Variants in CD38 observed in about 807,000 individuals in gnomAD.
The protein encoded by CD38 is CD38 molecule.
Under a neutral mutation model 36.3 loss-of-function variants are expected in CD38, and 31 were observed. The observed-to-expected ratio is 0.85, with a 90% CI of 0.64 to 1.15. The LOEUF is 1.15. Ranked by LOEUF, CD38 falls within the 50% of genes most tolerant of loss-of-function variation. The pLI, the probability that CD38 is intolerant of heterozygous loss-of-function variation, is 0.00. For synonymous variants in CD38, 131 were observed against 135.2 expected (o/e 0.97, Z 0.22); for missense variants, 380 against 371.9 (o/e 1.02, Z -0.18).
At chr4:15,839,267 C>T (rs1309022745) in intron 5 of CD38, among the ~76,000 whole-genome samples, 3 of 152,040 alleles carry the variant, frequency 2.0e-5, no homozygotes, top group African/African-American at 7.2e-5. Context: ...CAGAGACTAA[C>T]AGGGAAGAGT....
intron 2 of CD38, among the ~76,000 whole-genome samples, chr4:15,823,498 CA>C (rs1247351811): frequency 6.6e-6 from 1 of 152,054 alleles, no homozygotes; most frequent in Non-Finnish European, 1.5e-5. Flanking sequence ...ACAGCCCCAT[CA>C]AAAAGTGGGC....
At chr4:15,779,790 G>A (rs964839694) in intron 1 of CD38, among the ~76,000 whole-genome samples, 2 of 150,312 alleles carry the variant, frequency 1.3e-5, no homozygotes, top group Non-Finnish European at 3.0e-5. Flanking sequence ...ATGTTAGAAA[G>A]CAACCTCATT....
chr4:15,830,287 A>G (rs1723932988), intron 3 of CD38, among the ~76,000 whole-genome samples: 1 of 152,150 alleles, frequency 6.6e-6, no homozygotes, highest in Non-Finnish European at 1.5e-5. Flanking sequence ...AAGCCATTTT[A>G]GCTGGGGTGA....
intron 4 of CD38, 84 bp from the exon 5 acceptor site, chr4:15,838,008 A>G (rs1577660635): frequency 9.5e-7 from 1 of 1,057,976 alleles, no homozygotes; most frequent in East Asian, 2.4e-5. Context: ...TTAACCAGCT[A>G]TTGCTAAGTA....
chr4:15,815,442 A>C (rs1577648797), intron 1 of CD38, among the ~76,000 whole-genome samples: 1 of 152,056 alleles, frequency 6.6e-6, no homozygotes, highest in East Asian at 1.9e-4. Flanking sequence ...TATTTCCTTG[A>C]GCAGTGGTTT....
In CD38 at chr4:15,848,693, A is replaced by T. The variant is rs1310709145; in HGVS notation, c.*91A>T. The T allele has an allele frequency of 9.5e-7, 1 of 1,055,844 alleles. No individual in the cohort carries two copies. Among genetic ancestry groups the T allele is most frequent in the Non-Finnish European group, 1.5e-6 (1 of 688,954 alleles). 65.4% of individuals were successfully genotyped at this position (1,055,844 alleles called of 1,614,324 possible). Reference sequence around the variant, plus strand: ...CATACCTGCTGGTGCAGAGCTGAAGATTTTGGAGGGTCCTCCACAATAAGG... The same window carrying T: ...CATACCTGCTGGTGCAGAGCTGAAGTTTTTGGAGGGTCCTCCACAATAAGG... On this transcript the variant is annotated 3_prime_UTR_variant, in exon 8 of 8. Transcript: ENST00000226279.
intron 2 of CD38, among the ~76,000 whole-genome samples, chr4:15,819,963 A>C (rs926598169): frequency 6.6e-6 from 1 of 152,190 alleles, no homozygotes; most frequent in African/African-American, 2.4e-5. Flanking sequence ...CAGGTCACCT[A>C]TAAAGGGAAG....
At chr4:15,783,661 C>T (rs1266827520) in intron 1 of CD38, among the ~76,000 whole-genome samples, 1 of 152,206 alleles carries the variant, frequency 6.6e-6, no homozygotes, top group Non-Finnish European at 1.5e-5. Flanking sequence ...TTGTGGGAGA[C>T]TTAATCAGAG....
chr4:15,794,644 C>G (rs968835254), intron 1 of CD38, among the ~76,000 whole-genome samples: 3 of 152,022 alleles, frequency 2.0e-5, no homozygotes, highest in African/African-American at 7.3e-5. Context: ...AAGAAAAAAA[C>G]AGAAGAGAGA....
At chr4:15,840,156 G>C in intron 6 of CD38, 38 bp downstream of exon 6, 1 of 1,414,476 alleles carries the variant, frequency 7.1e-7, no homozygotes, top group Non-Finnish European at 1.0e-6. Context: ...GTTATTTTAT[G>C]AATCAGTCCA....
In CD38 at chr4:15,852,796, C is replaced by T. The variant is rs138949682; in HGVS notation, c.*4194C>T. The T allele has an allele frequency of 1.4e-4, 21 of 146,264 alleles. No individual in the cohort carries two copies. In the East Asian group the frequency reaches 3.6e-3, roughly 25 times the overall value. The allele number at this position is 146,264 out of a possible 1,614,324, so 9.1% of individuals were successfully genotyped here. A position where few individuals can be genotyped will look rare whatever the true frequency, so the allele number is the denominator to read the frequency against. The stretch of plus-strand genomic sequence containing the variant: ...CAACAGGCTTTGAACTATTCCCTAA[C>T]GGGGCATTTATTCTTTTTTTTTTTT... On this transcript the variant is annotated 3_prime_UTR_variant, in exon 8 of 8. Transcript: ENST00000226279.
At chr4:15,823,287 C>G (rs777230195) in intron 2 of CD38, among the ~76,000 whole-genome samples, 15 of 152,114 alleles carry the variant, frequency 9.9e-5, no homozygotes, top group Non-Finnish European at 2.1e-4. Context: ...ATGAAATTGC[C>G]AAATGCAATT....
intron 1 of CD38, among the ~76,000 whole-genome samples, chr4:15,783,293 C>A (rs1050567772): frequency 6.6e-6 from 1 of 152,168 alleles, no homozygotes; most frequent in African/African-American, 2.4e-5. Context: ...GGAGAGCCAG[C>A]ACCTAGGGGA....
chr4:15,821,639 G>T (rs1172451636), intron 2 of CD38, among the ~76,000 whole-genome samples: 1 of 143,348 alleles, frequency 7.0e-6, no homozygotes, highest in Non-Finnish European at 1.5e-5. Flanking sequence ...AAGAAGTTGA[G>T]TTCCTGAACA....
At position 15,778,397 on chromosome 4, in the gene CD38, A is replaced by G; in HGVS notation, c.-18A>G. 6.3e-7 allele frequency: 1 copy of G among 1,592,912 alleles called. No homozygotes were observed. The highest frequency in any genetic ancestry group is 8.6e-7 in the Non-Finnish European group (1 of 1,161,594). ...CTGCCGGCCTCATCTTCGCCCAGCC[A>G]ACCCCGCCTGGAGCCCTATGGCCAA... On this transcript the variant is annotated 5_prime_UTR_variant, in exon 1 of 8. Transcript: ENST00000226279. The surrounding 1 kb of genome is among the most constrained non-coding windows in gnomAD (Gnocchi z 4.9).
chr4:15,834,171 A>T (rs751027463), intron 3 of CD38, 46 bp from the exon 4 acceptor site: 29 of 1,233,182 alleles, frequency 2.4e-5, no homozygotes, highest in Non-Finnish European at 3.6e-6. Context: ...CAGCTTATTT[A>T]TACTCTCTGT....
At chr4:15,790,473 C>T (rs1170053245) in intron 1 of CD38, among the ~76,000 whole-genome samples, 5 of 152,144 alleles carry the variant, frequency 3.3e-5, no homozygotes, top group South Asian at 4.2e-4. Context: ...CTCGTTCACT[C>T]GGTGCTCGGT....
chr4:15,817,649 G>T (rs749540136), intron 2 of CD38, among the ~76,000 whole-genome samples: 16 of 152,068 alleles, frequency 1.1e-4, no homozygotes, highest in African/African-American at 3.4e-4. Context: ...TGATGTTTTG[G>T]TTGCTCAAGG....
At chr4:15,800,453 C>T (rs1420436092) in intron 1 of CD38, among the ~76,000 whole-genome samples, 1 of 152,144 alleles carries the variant, frequency 6.6e-6, no homozygotes, top group African/African-American at 2.4e-5. Context: ...GTTCTACGTC[C>T]TTGTTAACAT....
Sources: allele counts gnomAD v4.1 joint callset (sites outside exome capture counted in the v4.1 genomes callset), GRCh38; gene constraint gnomAD v4.1.1; non-coding constraint Gnocchi (gnomAD v3.1); transcripts MANE v1.5; gene names NCBI Gene and HGNC (gene_info 2026-07-23, HGNC 2026-07-21).